The following PIGW variants were observed in gnomAD, a reference collection of about 807,000 sequenced individuals.
PIGW encodes glucosaminyl-phosphatidylinositol-acyltransferase PIGW.
A neutral mutation model predicts 34.0 loss-of-function variants in PIGW; 23 were observed. The observed-to-expected ratio is 0.68, with a 90% CI of 0.49 to 0.96. The LOEUF is 0.96. Ranked by LOEUF, PIGW falls within the 40% of genes least tolerant of loss-of-function variation. PIGW has a pLI of 0.00. For missense variants in PIGW, 574 were observed against 586.3 expected (o/e 0.98, Z 0.22); for synonymous variants, 225 against 225.2 (o/e 1.00, Z 0.01).
chr17:36,536,798 A>C (rs982024745), intron 1 of PIGW, among the ~76,000 whole-genome samples: 2 of 152,158 alleles, frequency 1.3e-5, no homozygotes, highest in Non-Finnish European at 2.9e-5. Context: ...TACAGGTGTG[A>C]GCCACCACGC....
rs1214328646 is a variant in PIGW, at chr17:36,538,151, C to G, written c.1050C>G (p.Leu350=). The change falls in exon 2 of 2, where the codon CTC becomes CTG. Residue 350 remains leucine, a synonymous_variant. Coordinates refer to ENST00000614443, the MANE Select transcript of PIGW (RefSeq NM_001346754.2). The part of the protein sequence containing the change: ...ACFLLLAAIS[L]FISLYVVQVN... ...TTCTTTTACTGGCAGCTATTAGCCT[C>G]TTCATATCTCTTTACGTAGTTCAAG... 1 of 1,613,698 alleles carries G rather than the reference C, an allele frequency of 6.2e-7. No individual in the cohort carries two copies. Among genetic ancestry groups the G allele is most frequent in the East Asian group, 2.2e-5 (1 of 44,888 alleles).
Position 36,537,671 on chromosome 17 carries a change from T to C in PIGW, c.570T>C (p.Tyr190=), listed in dbSNP as rs371568140. ...MVCLEVRRRK[Y]MEGSKLHYFT... ...GTCTAGAGGTCAGGAGGAGAAAATATATGGAAGGGTCCAAATTGCATTACT... is the reference window on the plus strand; with the variant it reads ...GTCTAGAGGTCAGGAGGAGAAAATACATGGAAGGGTCCAAATTGCATTACT... The change falls in exon 2 of 2, where the codon TAT becomes TAC. Residue 190 remains tyrosine (Y), a synonymous_variant. Transcript: ENST00000614443. 7.1e-5 allele frequency: 114 copies of C among 1,614,184 alleles called. No individual in the cohort carries two copies. The highest frequency in any genetic ancestry group is 3.3e-4 in the Admixed American group (20 of 60,010).
rs187132199 is a variant in PIGW, at chr17:36,538,800, C to T, written c.*184C>T. 2.2e-5 allele frequency: 13 copies of T among 584,584 alleles called. No individual in the cohort carries two copies. In the Admixed American group the frequency reaches 2.5e-4, roughly 11 times the overall value. 36.2% of individuals were successfully genotyped at this position (584,584 alleles called of 1,614,324 possible). On this transcript the variant is annotated 3_prime_UTR_variant, in exon 2 of 2. Coordinates refer to ENST00000614443, the MANE Select transcript of PIGW (RefSeq NM_001346754.2). The stretch of plus-strand genomic sequence containing the variant: ...ACAGAGTCTTGCTCTGTTACCCAGG[C>T]TGGAGTGTAGTGGTGCCATCTCAGC...
Position 36,538,002 on chromosome 17 carries a change from G to A in PIGW, c.901G>A (p.Ala301Thr). 6.2e-7 allele frequency: 1 copy of A among 1,613,946 alleles called. No individual in the cohort carries two copies. Among genetic ancestry groups the A allele is most frequent in the Non-Finnish European group, 8.5e-7 (1 of 1,180,042 alleles). Residue 301 changes from alanine to threonine, a missense_variant, in exon 2 of 2, where the codon GCC becomes ACC. Coordinates refer to ENST00000614443, the MANE Select transcript of PIGW (RefSeq NM_001346754.2). ...TGGCACACGGGTTGGTCTATTAAAT[G>A]CCAACCGCGAAGGAATAATCTCTAC... Reference protein sequence around the residue: ...GSGTRVGLLNANREGIISTLG... With the variant: ...GSGTRVGLLNTNREGIISTLG...
rs745493713 is a variant in PIGW at position 36,537,396 on chromosome 17, C to T, written c.295C>T (p.Arg99Ter). Residue 99 changes from arginine to a stop codon, truncating the protein, a stop_gained, in exon 2 of 2, where the codon CGA (arginine) becomes TGA (stop). Transcript: ENST00000614443. LOFTEE classifies it high-confidence loss of function. ...FGAGLLYQIY[R>*]RRTCYARLPF... ...GGCAGGGCTGTTGTATCAAATATACCGAAGGAGGACCTGCTATGCCAGACT... is the reference window on the plus strand; with the variant it reads ...GGCAGGGCTGTTGTATCAAATATACTGAAGGAGGACCTGCTATGCCAGACT... 1.1e-5 allele frequency: 18 copies of T among 1,613,806 alleles called. No homozygotes were observed. The highest frequency in any genetic ancestry group is 5.5e-5 in the South Asian group (5 of 91,070).
In PIGW at chr17:36,537,974, T is replaced by A; in HGVS notation, c.873T>A (p.Gly291=). The A allele has an allele frequency of 6.2e-7, 1 of 1,614,050 alleles. No individual in the cohort carries two copies. Among genetic ancestry groups the A allele is most frequent in the South Asian group, 1.1e-5 (1 of 91,080 alleles). ...LKRLILYGTD[G]SGTRVGLLNA... ...GGTTAATATTATATGGCACTGATGG[T>A]AGTGGCACACGGGTTGGTCTATTAA... Residue 291 remains glycine (G), a synonymous_variant, in exon 2 of 2, where the codon GGT becomes GGA. Coordinates refer to ENST00000614443, the MANE Select transcript of PIGW (RefSeq NM_001346754.2).
In PIGW at chr17:36,538,074, T is replaced by C. The variant is rs2074167793; in HGVS notation, c.973T>C (p.Tyr325His). The C allele has an allele frequency of 3.7e-6, 6 of 1,614,086 alleles. No homozygotes were observed. The highest frequency in any genetic ancestry group is 4.2e-6 in the Non-Finnish European group (5 of 1,180,048). The change falls in exon 2 of 2, where the codon TAT becomes CAT. Residue 325 changes from tyrosine (Y) to histidine (H), a missense_variant. Physicochemically the swap from Tyr to His is moderately conservative, Grantham distance 83. Transcript: ENST00000614443. ...IHMAGVQTGLYMHKNRSHIKD... is the reference protein window; with the variant it reads ...IHMAGVQTGLHMHKNRSHIKD... ...CATGGCTGGTGTGCAAACAGGGTTATATATGCATAAGAACCGATCACATAT... is the reference window on the plus strand; with the variant it reads ...CATGGCTGGTGTGCAAACAGGGTTACATATGCATAAGAACCGATCACATAT...
chr17:36,537,859 T>C lies in PIGW; in HGVS notation c.758T>C (p.Leu253Ser). The C allele has an allele frequency of 6.2e-7, 1 of 1,614,160 alleles. No homozygotes were observed. The highest frequency in any genetic ancestry group is 8.5e-7 in the Non-Finnish European group (1 of 1,180,034). ...IVVKLITPLL[L>S]IIFPLNKSWI... ...GTGAAATTGATAACACCACTGCTGT[T>C]GATTATTTTTCCCCTAAATAAGTCC... The change falls in exon 2 of 2, where the codon TTG (leucine) becomes TCG (serine). Residue 253 changes from leucine (L) to serine (S), a missense_variant. Transcript: ENST00000614443.
intron 1 of PIGW, among the ~76,000 whole-genome samples, chr17:36,536,062 A>T (rs2074111708): frequency 6.6e-6 from 1 of 152,216 alleles, no homozygotes; most frequent in Non-Finnish European, 1.5e-5. Flanking sequence ...TTTAACCAAC[A>T]AATGTGTTCT....
At position 36,535,514 on chromosome 17, in the gene PIGW, C is replaced by A. The variant is rs1247189531; in HGVS notation, c.-87C>A. On this transcript the variant is annotated 5_prime_UTR_variant, in exon 1 of 2. Coordinates refer to ENST00000614443, the MANE Select transcript of PIGW (RefSeq NM_001346754.2). ...GGGAGGCGGAAGCGGCTGGTTCCCG[C>A]GTGGTTTGGCGGGTGCAGCGGCAGT... 1 of 152,246 alleles carries A rather than the reference C, an allele frequency of 6.6e-6. No homozygotes were observed. Among genetic ancestry groups the A allele is most frequent in the Non-Finnish European group, 1.5e-5 (1 of 68,056 alleles). 9.4% of individuals were successfully genotyped at this position (152,246 alleles called of 1,614,324 possible). A position where few individuals can be genotyped will look rare whatever the true frequency, so the allele number is the denominator to read the frequency against.
chr17:36,537,314 T>G lies in PIGW; in HGVS notation c.213T>G (p.Thr71=), dbSNP rs764647885. The G allele has an allele frequency of 2.5e-6, 4 of 1,614,090 alleles. No homozygotes were observed. Among genetic ancestry groups the G allele is most frequent in the South Asian group, 1.1e-5 (1 of 91,070 alleles). The change falls in exon 2 of 2, where the codon ACT becomes ACG. Residue 71 remains threonine (T), a synonymous_variant. Transcript: ENST00000614443. ...TCCTAATAGTTCCCATGGTAGCCAC[T>G]TTGACCATTTGGGCTTCATTTATCC... is the stretch of plus-strand genomic sequence containing the variant. ...FVVLIVPMVA[T]LTIWASFILL...
intron 1 of PIGW, among the ~76,000 whole-genome samples, chr17:36,536,774 C>T (rs1377697027): frequency 2.6e-5 from 4 of 152,146 alleles, no homozygotes; most frequent in African/African-American, 4.8e-5. Flanking sequence ...CTCGGCCTCC[C>T]GAAGTGCTAG....
rs2074181731 is a variant in PIGW at position 36,539,149 on chromosome 17, CTT to C, written c.*535_*536del. 1 of 166,968 alleles carries C rather than the reference CTT, an allele frequency of 6.0e-6. No individual in the cohort carries two copies. Among genetic ancestry groups the C allele is most frequent in the South Asian group, 2.1e-4 (1 of 4,824 alleles). The allele number at this position is 166,968 out of a possible 1,614,324, so 10.3% of individuals were successfully genotyped here. A position where few individuals can be genotyped will look rare whatever the true frequency, so the allele number is the denominator to read the frequency against. ...TGTATTAAGTAGTATTTTAAAGAAA[CTT>C]TATAGTTGTGACATTGAAAGACTGT... On this transcript the variant is annotated 3_prime_UTR_variant, in exon 2 of 2. Coordinates refer to ENST00000614443, the MANE Select transcript of PIGW (RefSeq NM_001346754.2).
intron 1 of PIGW, among the ~76,000 whole-genome samples, chr17:36,535,893 A>G (rs1200409703): frequency 1.3e-5 from 2 of 151,082 alleles, no homozygotes; most frequent in Non-Finnish European, 2.9e-5. Flanking sequence ...GATTGCAGGC[A>G]TGAACCACTT....
rs1367907051 is a variant in PIGW at position 36,537,272 on chromosome 17, C to T, written c.171C>T (p.Phe57=). The T allele has an allele frequency of 4.3e-6, 7 of 1,613,856 alleles. No homozygotes were observed. Among genetic ancestry groups the T allele is most frequent in the Non-Finnish European group, 5.9e-6 (7 of 1,180,022 alleles). ...CSFSPTWKTR[F]LTDFVVLIVP... ...TTTCACCTACCTGGAAAACTAGATT[C>T]CTCACTGACTTTGTTGTCCTAATAG... is the stretch of plus-strand genomic sequence containing the variant. Residue 57 remains phenylalanine, a synonymous_variant, in exon 2 of 2, where the codon TTC becomes TTT. Coordinates refer to ENST00000614443, the MANE Select transcript of PIGW (RefSeq NM_001346754.2).
Position 36,539,225 on chromosome 17 carries a change from T to C in PIGW, c.*609T>C, listed in dbSNP as rs983461790. ...TACTTTCCATCTTAATGTAACCTTA[T>C]GCTATTCTGTATTTTTACTGTATAT... On this transcript the variant is annotated 3_prime_UTR_variant, in exon 2 of 2. Coordinates refer to ENST00000614443, the MANE Select transcript of PIGW (RefSeq NM_001346754.2). 1 of 167,138 alleles carries C rather than the reference T, an allele frequency of 6.0e-6. No individual in the cohort carries two copies. The highest frequency in any genetic ancestry group is 2.4e-5 in the African/African-American group (1 of 41,468). The allele number at this position is 167,138 out of a possible 1,614,324, so 10.4% of individuals were successfully genotyped here. A position where few individuals can be genotyped will look rare whatever the true frequency, so the allele number is the denominator to read the frequency against.
At position 36,538,492 on chromosome 17, in the gene PIGW, TGATGGTA is replaced by T. The variant is rs1229315696; in HGVS notation, c.1395_1401del (p.Met465IlefsTer23). 1.2e-6 allele frequency: 2 copies of T among 1,613,836 alleles called. No individual in the cohort carries two copies. Among genetic ancestry groups the T allele is most frequent in the African/African-American group, 2.7e-5 (2 of 74,936 alleles). On this transcript the variant is annotated frameshift_variant, in exon 2 of 2. Transcript: ENST00000614443. LOFTEE classifies it high-confidence loss of function. ...AATATAACAACTGGCCTGATCAACC[TGATGGTA>T]GATACATTACACAGCAGTACCTTGT...
intron 1 of PIGW, among the ~76,000 whole-genome samples, 182 bp from the exon 2 acceptor site, chr17:36,536,912 C>T (rs1236978542): frequency 1.3e-5 from 2 of 152,202 alleles, no homozygotes; most frequent in Non-Finnish European, 1.5e-5. Context: ...TCTATCTGAA[C>T]ACATTAGTGT....
In PIGW at chr17:36,538,378, C is replaced by A. The variant is rs770369186; in HGVS notation, c.1277C>A (p.Ser426Tyr). The change falls in exon 2 of 2, where the codon TCT becomes TAT. Residue 426 changes from serine (S) to tyrosine (Y), a missense_variant. By Grantham distance (144) the Ser-to-Tyr change is moderately radical. Transcript: ENST00000614443. ...GTTACAAATAAAAAGCATTCAGAAT[C>A]TCTAGTCCCTGAAGCCGAAAGAATG... is the stretch of plus-strand genomic sequence containing the variant. ...SPVTNKKHSE[S>Y]LVPEAERMEP... 1 of 1,614,064 alleles carries A rather than the reference C, an allele frequency of 6.2e-7. No individual in the cohort carries two copies. The highest frequency in any genetic ancestry group is 2.2e-5 in the East Asian group (1 of 44,870).
Sources: allele counts gnomAD v4.1 joint callset (sites outside exome capture counted in the v4.1 genomes callset), GRCh38; gene constraint gnomAD v4.1.1; transcripts MANE v1.5; gene names NCBI Gene and HGNC (gene_info 2026-07-23, HGNC 2026-07-21).